Variants in HERC4 observed in about 807,000 individuals in gnomAD.
The protein encoded by HERC4 is probable E3 ubiquitin-protein ligase HERC4.
A neutral mutation model predicts 124.3 loss-of-function variants in HERC4; 28 were observed. The ratio of observed to expected loss-of-function variants is 0.23; its 90% CI spans 0.17 to 0.31. HERC4 has a LOEUF of 0.31. Among genes scored for constraint, HERC4 ranks in the 10% least tolerant of loss-of-function variants. The probability of loss-of-function intolerance (pLI) is 1.00; values close to 1 mark genes in which losing one functional copy is unlikely to be tolerated. For synonymous variants in HERC4, 407 were observed against 421.5 expected, an observed-to-expected ratio of 0.97 and a Z score of 0.42; for missense variants, 713 against 1,229.3, an observed-to-expected ratio of 0.58 and a Z score of 6.28.
chr10:67,955,102 T>G lies in HERC4; in HGVS notation c.2054A>C (p.Asn685Thr). 1 of 1,589,702 alleles carries G rather than the reference T, an allele frequency of 6.3e-7. No individual in the cohort carries two copies. Among genetic ancestry groups the G allele is most frequent in the East Asian group, 2.4e-5 (1 of 42,172 alleles). The change falls in exon 18 of 25, where the codon AAT becomes ACT. Residue 685 changes from asparagine to threonine, a missense_variant. By Grantham distance (65) the Asn-to-Thr change is moderately conservative. Transcript: ENST00000373700. ...QMAIDQAHRQ[N>T]VSSLFLPVIE... The stretch of plus-strand genomic sequence containing the variant: ...CACTGGGAGAAAAAGAGAGGAGACA[T>G]TCTGCCTGTGGGCCTGATCAATAGC...
At chr10:67,960,353 A>C (rs891742565) in intron 16 of HERC4, among the ~76,000 whole-genome samples, 8 of 152,070 alleles carry the variant, frequency 5.3e-5, no homozygotes, top group Admixed American at 2.6e-4. Flanking sequence ...TTTTGTTCTC[A>C]GATGGAACTT....
intron 9 of HERC4, among the ~76,000 whole-genome samples, chr10:67,999,947 A>C (rs749708972): frequency 2.6e-5 from 4 of 152,202 alleles, no homozygotes; most frequent in Non-Finnish European, 5.9e-5. Context: ...AATTGAAAAA[A>C]ATCTATTATG....
chr10:68,015,513 A>G (rs917243581), intron 8 of HERC4, among the ~76,000 whole-genome samples: 1 of 152,200 alleles, frequency 6.6e-6, no homozygotes, highest in Non-Finnish European at 1.5e-5. Context: ...GTCAATTCAA[A>G]CTAACACCTT....
chr10:67,973,340 T>G (rs975583193), intron 15 of HERC4, among the ~76,000 whole-genome samples: 1 of 152,174 alleles, frequency 6.6e-6, no homozygotes, highest in Non-Finnish European at 1.5e-5. Context: ...GGATTCAACA[T>G]GCAGTTGGGA....
At position 67,939,643 on chromosome 10, in the gene HERC4, T is replaced by C. The variant is rs1251167427; in HGVS notation, c.2516A>G (p.Gln839Arg). Reference protein sequence around the residue: ...LMPDVGRSMQQLLDYPEDDIE... With the variant: ...LMPDVGRSMQRLLDYPEDDIE... The stretch of plus-strand genomic sequence containing the variant: ...GTCATCTTCTGGATAATCCAGTAAC[T>C]GTTGCATGCTTCTGCAAAATAATAT... The change falls in exon 21 of 25, where the codon CAG (glutamine) becomes CGG (arginine). Residue 839 changes from glutamine (Q) to arginine (R), a missense_variant. Gln to Arg is a conservative substitution (Grantham distance 43). Transcript: ENST00000373700. 2 of 1,602,974 alleles carry C rather than the reference T, an allele frequency of 1.2e-6. No homozygotes were observed. Among genetic ancestry groups the C allele is most frequent in the Non-Finnish European group, 1.7e-6 (2 of 1,175,376 alleles).
At chr10:68,055,756 T>C (rs1436287964) in intron 3 of HERC4, among the ~76,000 whole-genome samples, 1 of 114,512 alleles carries the variant, frequency 8.7e-6, no homozygotes, top group African/African-American at 3.0e-5. Context: ...TACAATATCC[T>C]TTTTTTTTTT....
Position 68,014,099 on chromosome 10 carries a change from T to C in HERC4, c.996A>G (p.Thr332=). 2 of 1,613,886 alleles carry C rather than the reference T, an allele frequency of 1.2e-6. No homozygotes were observed. The highest frequency in any genetic ancestry group is 1.7e-6 in the Non-Finnish European group (2 of 1,179,860). ...CAGTAAAGGGGCTTTTCCTGTTGCT[T>C]GTTGAACCGGTTCCCAGCTGCCCAT... The part of the protein sequence containing the change: ...GGNGQLGTGS[T]SNRKSPFTVK... Residue 332 remains threonine, a synonymous_variant, in exon 9 of 25, where the codon ACA becomes ACG. Transcript: ENST00000373700.
At chr10:68,005,117 T>C (rs559090042) in intron 9 of HERC4, among the ~76,000 whole-genome samples, 1 of 152,330 alleles carries the variant, frequency 6.6e-6, no homozygotes, top group Admixed American at 6.5e-5. Context: ...TTCTGTTCCA[T>C]TGGTCCATGT....
intron 9 of HERC4, chr10:67,995,014 C>T (rs972726389): frequency 1.6e-5 from 4 of 253,070 alleles, no homozygotes; most frequent in Non-Finnish European, 2.3e-5. Flanking sequence ...AATCACTACT[C>T]GAAAAAGTTT....
intron 5 of HERC4, among the ~76,000 whole-genome samples, chr10:68,034,388 G>C (rs772305196): frequency 6.6e-6 from 1 of 152,052 alleles, no homozygotes; most frequent in Non-Finnish European, 1.5e-5. Flanking sequence ...AGAACATTCA[G>C]TATTAGTACA....
chr10:68,013,850 T>C (rs2038111223), intron 9 of HERC4, among the ~76,000 whole-genome samples, 176 bp downstream of exon 9: 1 of 152,240 alleles, frequency 6.6e-6, no homozygotes, highest in Non-Finnish European at 1.5e-5. Flanking sequence ...AATTTCCTTA[T>C]GCATTTACAA....
chr10:67,946,843 G>A (rs939414483), intron 19 of HERC4, among the ~76,000 whole-genome samples: 1 of 152,180 alleles, frequency 6.6e-6, no homozygotes, highest in Admixed American at 6.5e-5. Flanking sequence ...GGAGGTAGAT[G>A]TTGCATTGAG....
chr10:68,057,814 C>T (rs2040628666), intron 3 of HERC4, among the ~76,000 whole-genome samples: 1 of 151,816 alleles, frequency 6.6e-6, no homozygotes, highest in African/African-American at 2.4e-5. Context: ...ATTCTCATGC[C>T]TCAGCCTCCT....
intron 19 of HERC4, among the ~76,000 whole-genome samples, chr10:67,942,381 T>G (rs2032987224): frequency 6.6e-6 from 1 of 152,196 alleles, no homozygotes; most frequent in Non-Finnish European, 1.5e-5. Flanking sequence ...ATGGACATCT[T>G]TTTGCATATT....
chr10:68,017,456 G>A (rs2038336151), intron 8 of HERC4, among the ~76,000 whole-genome samples: 1 of 152,092 alleles, frequency 6.6e-6, no homozygotes, highest in Non-Finnish European at 1.5e-5. Context: ...GACCAATACA[G>A]ACATTATAAA....
intron 24 of HERC4, 51 bp downstream of exon 24, chr10:67,925,034 T>C (rs2030731316): frequency 1.9e-6 from 2 of 1,026,768 alleles, no homozygotes; most frequent in African/African-American, 1.6e-5. Flanking sequence ...GGAATAATAC[T>C]ATAATTAGAT....
At chr10:68,053,717 G>A (rs539437868) in intron 3 of HERC4, among the ~76,000 whole-genome samples, 73 of 152,308 alleles carry the variant, frequency 4.8e-4, no homozygotes, top group African/African-American at 1.8e-3. Flanking sequence ...GCAGAGCACT[G>A]CCTTGAACCT....
intron 9 of HERC4, among the ~76,000 whole-genome samples, chr10:67,998,561 AAAG>A (rs1019606582): frequency 1.2e-4 from 4 of 34,232 alleles, no homozygotes; most frequent in Non-Finnish European, 2.5e-4. Context: ...GAAAAAAAAA[AAAG>A]GGGGGGGGGT....
intron 7 of HERC4, among the ~76,000 whole-genome samples, chr10:68,026,960 C>G (rs906872465): frequency 2.0e-5 from 3 of 152,150 alleles, no homozygotes; most frequent in Non-Finnish European, 4.4e-5. Flanking sequence ...GATCATACCA[C>G]TGCACTCCAA....
Sources: allele counts gnomAD v4.1 joint callset (sites outside exome capture counted in the v4.1 genomes callset), GRCh38; gene constraint gnomAD v4.1.1; transcripts MANE v1.5; gene names NCBI Gene and HGNC (gene_info 2026-07-23, HGNC 2026-07-21).